Variants in PLXNA4 observed in about 807,000 individuals in gnomAD.
PLXNA4 encodes plexin-A4.
PLXNA4 carries 44 observed loss-of-function variants against 191.8 expected under a neutral mutation model. The observed-to-expected ratio is 0.23, with a 90% CI of 0.18 to 0.29. The LOEUF (loss-of-function observed/expected upper bound fraction) is 0.29. Ranked by LOEUF, PLXNA4 falls within the 10% of genes least tolerant of loss-of-function variation. The pLI is 1.00. For missense variants in PLXNA4, 1,800 were observed against 2,488.8 expected (o/e 0.72, Z 5.89); for synonymous variants, 1,082 against 1,009.5 (o/e 1.07, Z -1.36).
At position 132,333,705 on chromosome 7, in the gene PLXNA4, A is replaced by C. The variant is rs1585004387; in HGVS notation, c.1372-35483T>G. ...CAAGGCTTGGGGCACCCCAAGAGAC[A>C]GTCCTGAGAAAGAGACATCATTCCC... On this transcript the variant is annotated intron_variant, in intron 3 of 31. Transcript: ENST00000321063. Among the ~76,000 whole-genome samples, 6 of 152,342 alleles carry C rather than the reference A, an allele frequency of 3.9e-5. 2 individuals carry two copies. Among genetic ancestry groups the C allele is most frequent in the Admixed American group, 3.9e-4 (6 of 15,308 alleles).
intron 3 of PLXNA4, among the ~76,000 whole-genome samples, chr7:132,447,181 C>T (rs1230878850): frequency 1.3e-5 from 2 of 152,290 alleles, no homozygotes; most frequent in East Asian, 3.9e-4. Flanking sequence ...CAGGCTCCCA[C>T]TAGAGCCCAG....
At chr7:132,601,494 T>C (rs939311485) in intron 2 of PLXNA4, among the ~76,000 whole-genome samples, 9 of 152,188 alleles carry the variant, frequency 5.9e-5, no homozygotes, top group Non-Finnish European at 1.0e-4. Context: ...AAAAGATGTG[T>C]CTTTTTTCCT....
At chr7:132,222,946 C>A (rs146680648) in intron 9 of PLXNA4, among the ~76,000 whole-genome samples, 18 of 152,226 alleles carry the variant, frequency 1.2e-4, no homozygotes, top group Admixed American at 2.0e-4. Flanking sequence ...ACCCTGCCCC[C>A]GGAGCTTCTC....
At chr7:132,625,476 C>T (rs1459423173) in intron 2 of PLXNA4, among the ~76,000 whole-genome samples, 1 of 152,214 alleles carries the variant, frequency 6.6e-6, no homozygotes, top group East Asian at 1.9e-4. Flanking sequence ...TATCTTTTCA[C>T]ACCATTCACA....
At chr7:132,445,202 T>C (rs1343666543) in intron 3 of PLXNA4, among the ~76,000 whole-genome samples, 1 of 148,320 alleles carries the variant, frequency 6.7e-6, no homozygotes, top group Non-Finnish European at 1.5e-5. Flanking sequence ...CTCATGAACT[T>C]CCTGGCTTAG....
intron 2 of PLXNA4, among the ~76,000 whole-genome samples, chr7:132,617,345 C>T (rs1440768176): frequency 6.6e-6 from 1 of 152,108 alleles, no homozygotes. Context: ...CAGGAAGGCA[C>T]TATGTGGGTA....
intron 4 of PLXNA4, among the ~76,000 whole-genome samples, chr7:132,255,028 A>G (rs1293281981): frequency 6.6e-6 from 1 of 152,032 alleles, no homozygotes; most frequent in African/African-American, 2.4e-5. Flanking sequence ...AGTCTCAGCC[A>G]CCCTATTTCT....
intron 4 of PLXNA4, among the ~76,000 whole-genome samples, chr7:132,285,777 T>C (rs2116427152): frequency 6.6e-6 from 1 of 152,318 alleles, no homozygotes; most frequent in African/African-American, 2.4e-5. Context: ...TCCACAGAAC[T>C]CAAGAGCAAG....
chr7:132,523,296 G>C (rs1458480690), intron 1 of PLXNA4, among the ~76,000 whole-genome samples: 4 of 152,240 alleles, frequency 2.6e-5, no homozygotes, highest in Admixed American at 6.5e-5. Context: ...TGACCTCAGA[G>C]AGACCAACCC....
intron 3 of PLXNA4, among the ~76,000 whole-genome samples, chr7:132,397,901 A>G (rs1793828032): frequency 6.6e-6 from 1 of 152,220 alleles, no homozygotes; most frequent in Non-Finnish European, 1.5e-5. Context: ...TAGCAACCGG[A>G]AGGAAATTGG....
intron 3 of PLXNA4, among the ~76,000 whole-genome samples, chr7:132,432,623 C>T (rs1795309322): frequency 6.6e-6 from 1 of 152,054 alleles, no homozygotes. Context: ...GACTATTTCA[C>T]AGATGGAAAA....
intron 3 of PLXNA4, among the ~76,000 whole-genome samples, chr7:132,413,884 C>T (rs1367115648): frequency 6.6e-6 from 1 of 152,168 alleles, no homozygotes; most frequent in Non-Finnish European, 1.5e-5. Context: ...AAACTCTCAA[C>T]ACCCCATTCA....
chr7:132,130,633 A>G, intron 31 of PLXNA4, 59 bp from the exon 32 acceptor site: 1 of 1,611,038 alleles, frequency 6.2e-7, no homozygotes, highest in Non-Finnish European at 8.5e-7. Flanking sequence ...CTGTGTTCTC[A>G]GGAGGCACAA....
intron 1 of PLXNA4, among the ~76,000 whole-genome samples, chr7:132,551,029 A>T (rs774119426): frequency 6.6e-6 from 1 of 151,974 alleles, no homozygotes; most frequent in Non-Finnish European, 1.5e-5. Context: ...TCTCACCAAG[A>T]CCCACTTCTG....
intron 4 of PLXNA4, among the ~76,000 whole-genome samples, chr7:132,249,414 A>G (rs903964388): frequency 2.0e-5 from 3 of 152,224 alleles, no homozygotes; most frequent in Non-Finnish European, 4.4e-5. Context: ...CGACGCCGGA[A>G]TCATCAACAT....
At chr7:132,526,726 G>T (rs1281676396) in intron 1 of PLXNA4, among the ~76,000 whole-genome samples, 1 of 152,176 alleles carries the variant, frequency 6.6e-6, no homozygotes, top group African/African-American at 2.4e-5. Flanking sequence ...CAAGAAGGAG[G>T]TGAACATTTA....
chr7:132,425,356 G>T (rs551095096), intron 3 of PLXNA4, among the ~76,000 whole-genome samples: 1 of 152,304 alleles, frequency 6.6e-6, no homozygotes, highest in Admixed American at 6.5e-5. Flanking sequence ...AAAGCTAATT[G>T]TGTGTTTCTG....
At chr7:132,393,218 C>T (rs1470726049) in intron 3 of PLXNA4, among the ~76,000 whole-genome samples, 1 of 140,524 alleles carries the variant, frequency 7.1e-6, no homozygotes, top group African/African-American at 2.7e-5. Context: ...CACCACTGAC[C>T]CCAGCCCCAC....
chr7:132,189,063 AGAG>A (rs1361050836), intron 14 of PLXNA4, among the ~76,000 whole-genome samples: 3 of 137,844 alleles, frequency 2.2e-5, no homozygotes. Context: ...AGAGAGAGAG[AGAG>A]AAGATTGTGC....
Sources: allele counts gnomAD v4.1 joint callset (sites outside exome capture counted in the v4.1 genomes callset), GRCh38; gene constraint gnomAD v4.1.1; transcripts MANE v1.5; gene names NCBI Gene and HGNC (gene_info 2026-07-23, HGNC 2026-07-21).